ARHGAP15: variants seen among roughly 807,000 people sequenced by gnomAD.
ARHGAP15 encodes the protein rho GTPase-activating protein 15.
Under a neutral mutation model 63.7 loss-of-function variants are expected in ARHGAP15, and 51 were observed. The ratio of observed to expected loss-of-function variants is 0.80; its 90% CI spans 0.64 to 1.01. ARHGAP15 has a LOEUF of 1.01. ARHGAP15 is among the 50% of genes least tolerant of loss of function. The probability of loss-of-function intolerance (pLI) is 0.00; values close to 1 mark genes in which losing one functional copy is unlikely to be tolerated. For missense variants in ARHGAP15, 560 were observed against 564.6 expected (o/e 0.99, Z 0.08); for synonymous variants, 191 against 193.8 (o/e 0.99, Z 0.12).
At chr2:143,136,098 T>A (rs1451454329) in intron 1 of ARHGAP15, among the ~76,000 whole-genome samples, 1 of 152,106 alleles carries the variant, frequency 6.6e-6, no homozygotes, top group African/African-American at 2.4e-5. Flanking sequence ...TCCACCTTAG[T>A]TAATGACACC....
intron 6 of ARHGAP15, among the ~76,000 whole-genome samples, chr2:143,255,801 C>A (rs1299520921): frequency 6.6e-6 from 1 of 152,096 alleles, no homozygotes; most frequent in South Asian, 2.1e-4. Flanking sequence ...ATTAGATTTC[C>A]AGTAAAGCTG....
Position 143,273,618 on chromosome 2 carries a change from T to G in ARHGAP15, c.474+23018T>G, listed in dbSNP as rs1478798709. 5.9e-5 allele frequency among the ~76,000 whole-genome samples: 9 copies of G among 152,298 alleles called. No homozygotes were observed. The East Asian group carries it at 1.7e-3, about 29-fold the overall frequency. ...AAATAAAAAATCATAATGCATGTCC[T>G]TATGCCATATGTTGCATGACATTTT... On this transcript the variant is annotated intron_variant, in intron 6 of 13. Coordinates refer to ENST00000295095, the MANE Select transcript of ARHGAP15 (RefSeq NM_018460.4).
chr2:143,289,086 G>A (rs1382488690), intron 6 of ARHGAP15, among the ~76,000 whole-genome samples: 1 of 152,060 alleles, frequency 6.6e-6, no homozygotes, highest in Non-Finnish European at 1.5e-5. Flanking sequence ...GAGAGTTCAG[G>A]AGAGAACCAA....
intron 6 of ARHGAP15, among the ~76,000 whole-genome samples, chr2:143,345,611 A>G (rs1417162381): frequency 6.6e-6 from 1 of 152,060 alleles, no homozygotes; most frequent in South Asian, 2.1e-4. Flanking sequence ...AAGCACATGG[A>G]CTCACACACA....
At chr2:143,304,180 A>G (rs1683057171) in intron 6 of ARHGAP15, among the ~76,000 whole-genome samples, 1 of 152,222 alleles carries the variant, frequency 6.6e-6, no homozygotes, top group African/African-American at 2.4e-5. Context: ...CATTATTCAC[A>G]ATAGAAAAGA....
chr2:143,708,973 C>T (rs1684453329), intron 13 of ARHGAP15, among the ~76,000 whole-genome samples: 1 of 152,162 alleles, frequency 6.6e-6, no homozygotes, highest in South Asian at 2.1e-4. Context: ...CACCTAGAAT[C>T]TTATCAACTA....
intron 3 of ARHGAP15, among the ~76,000 whole-genome samples, chr2:143,210,600 ACATGTTGTCTTATC>A (rs1359153946): frequency 2.0e-5 from 3 of 152,146 alleles, no homozygotes; most frequent in Admixed American, 2.0e-4. Flanking sequence ...CCAAAGCTGG[ACATGTTGTCTTATC>A]CTAAGTGAGA....
At chr2:143,136,639 G>A (rs535242117) in intron 1 of ARHGAP15, among the ~76,000 whole-genome samples, 97 of 151,814 alleles carry the variant, frequency 6.4e-4, no homozygotes, top group Middle Eastern at 3.4e-3. Context: ...CATGAAAACC[G>A]TTAAGTCTCC....
chr2:143,709,048 C>T (rs902468218), intron 13 of ARHGAP15, among the ~76,000 whole-genome samples: 7 of 152,096 alleles, frequency 4.6e-5, no homozygotes, highest in African/African-American at 1.4e-4. Context: ...TTTGGAAGTA[C>T]TAGAACTTTT....
At chr2:143,219,080 G>A (rs898386189) in intron 4 of ARHGAP15, among the ~76,000 whole-genome samples, 19 of 152,290 alleles carry the variant, frequency 1.2e-4, no homozygotes, top group East Asian at 3.9e-4. Flanking sequence ...CTTTGCCATC[G>A]TTTATGTGTA....
intron 9 of ARHGAP15, among the ~76,000 whole-genome samples, chr2:143,509,857 C>CT (rs1231727027): frequency 5.1e-4 from 78 of 151,814 alleles, no homozygotes; most frequent in African/African-American, 1.8e-3. Context: ...CCCATCTCAA[C>CT]TAAAAATACA....
intron 4 of ARHGAP15, among the ~76,000 whole-genome samples, chr2:143,226,867 T>C (rs965697992): frequency 6.6e-6 from 1 of 152,234 alleles, no homozygotes; most frequent in African/African-American, 2.4e-5. Flanking sequence ...ACCTAATTCT[T>C]TTTGTAAATA....
intron 6 of ARHGAP15, among the ~76,000 whole-genome samples, chr2:143,356,003 A>G (rs961465528): frequency 1.3e-5 from 2 of 152,076 alleles, no homozygotes; most frequent in South Asian, 4.1e-4. Flanking sequence ...GACAGGCTAT[A>G]TGACTCACAC....
chr2:143,468,983 C>A (rs1425024316), intron 8 of ARHGAP15, among the ~76,000 whole-genome samples: 2 of 152,114 alleles, frequency 1.3e-5, no homozygotes, highest in African/African-American at 4.8e-5. Flanking sequence ...CCTATCCAGC[C>A]TTTCCTATAT....
intron 12 of ARHGAP15, among the ~76,000 whole-genome samples, chr2:143,678,662 C>T (rs931197910): frequency 6.6e-6 from 1 of 152,170 alleles, no homozygotes; most frequent in Admixed American, 6.5e-5. Flanking sequence ...CCAAGGTCTA[C>T]TCCAACTCTA....
At chr2:143,246,203 G>A (rs1181746662) in intron 5 of ARHGAP15, among the ~76,000 whole-genome samples, 2 of 151,702 alleles carry the variant, frequency 1.3e-5, no homozygotes, top group Non-Finnish European at 2.9e-5. Flanking sequence ...CTCTGCTTGG[G>A]TTTCTTCATG....
At chr2:143,726,775 C>T (rs993539627) in intron 13 of ARHGAP15, among the ~76,000 whole-genome samples, 1 of 152,184 alleles carries the variant, frequency 6.6e-6, no homozygotes, top group African/African-American at 2.4e-5. Flanking sequence ...TGAACCTAAC[C>T]AAGTATCTGT....
chr2:143,288,248 T>G (rs1011465684), intron 6 of ARHGAP15, among the ~76,000 whole-genome samples: 4 of 152,158 alleles, frequency 2.6e-5, no homozygotes, highest in Admixed American at 1.3e-4. Flanking sequence ...TTCAGTCCTG[T>G]GCACATCCTA....
chr2:143,557,273 C>A (rs1266037657), intron 11 of ARHGAP15, among the ~76,000 whole-genome samples: 1 of 151,940 alleles, frequency 6.6e-6, no homozygotes, highest in East Asian at 1.9e-4. Flanking sequence ...GACAAATACA[C>A]CAGAATACAT....
Sources: gnomAD v4.1 joint callset for allele counts (sites outside exome capture counted in the v4.1 genomes callset) on GRCh38, gnomAD v4.1.1 for gene constraint, MANE v1.5 for transcripts, NCBI Gene and HGNC (gene_info 2026-07-23, HGNC 2026-07-21) for gene names.